Variants in KCNT2 observed in about 807,000 individuals in gnomAD.
KCNT2 encodes potassium channel subfamily T member 2.
KCNT2 carries 67 observed loss-of-function variants against 153.8 expected under a neutral mutation model. The ratio of observed to expected loss-of-function variants is 0.44; its 90% CI spans 0.36 to 0.53. The LOEUF is 0.53. Among genes scored for constraint, KCNT2 ranks in the 20% least tolerant of loss-of-function variants. The probability of loss-of-function intolerance (pLI) is 0.00; values close to 1 mark genes in which losing one functional copy is unlikely to be tolerated. For synonymous variants in KCNT2, 500 were observed against 458.8 expected (o/e 1.09, Z -1.15); for missense variants, 975 against 1,354.8 (o/e 0.72, Z 4.40).
intron 14 of KCNT2, among the ~76,000 whole-genome samples, chr1:196,345,689 T>A (rs1666081221): frequency 6.6e-6 from 1 of 152,126 alleles, no homozygotes. Flanking sequence ...ATTGCAATGA[T>A]CCACCTAGAT....
chr1:196,334,487 C>CTTTTTTTTTTTT (rs533230418), intron 16 of KCNT2, among the ~76,000 whole-genome samples: 5 of 87,248 alleles, frequency 5.7e-5, no homozygotes, highest in Non-Finnish European at 6.6e-5. Context: ...TTCTTTCTTT[C>CTTTTTTTTTTTT]TTTTTTTTTT....
chr1:196,292,920 A>G (rs191432911), intron 22 of KCNT2, among the ~76,000 whole-genome samples: 1 of 152,170 alleles, frequency 6.6e-6, no homozygotes, highest in East Asian at 1.9e-4. Context: ...AAGCTGTTAG[A>G]AGTGATAAAC....
At chr1:196,359,230 G>T (rs928276650) in intron 14 of KCNT2, among the ~76,000 whole-genome samples, 1 of 151,762 alleles carries the variant, frequency 6.6e-6, no homozygotes, top group Non-Finnish European at 1.5e-5. Context: ...GTTTCATCGG[G>T]GACTGGCATT....
At chr1:196,513,084 A>G (rs1308739048) in intron 1 of KCNT2, among the ~76,000 whole-genome samples, 6 of 152,154 alleles carry the variant, frequency 3.9e-5, no homozygotes, top group Admixed American at 3.9e-4. Context: ...AATTAATTCT[A>G]ATTATGGCAT....
In KCNT2 at chr1:196,228,288, G is replaced by C; in HGVS notation, c.3344C>G (p.Pro1115Arg). 6.2e-7 allele frequency: 1 copy of C among 1,611,082 alleles called. No individual in the cohort carries two copies. The highest frequency in any genetic ancestry group is 1.1e-5 in the South Asian group (1 of 90,780). Residue 1115 changes from proline to arginine, a missense_variant, in exon 28 of 28, where the codon CCC becomes CGC. Transcript: ENST00000294725. ...DPLAYLPNSE[P>R]SRRNSICNVT... is the part of the protein sequence containing the mutation. ...ATTGCAGATGCTGTTTCTTCGACTG[G>C]GCTCACTGTTTGGAAGGTAGGCCAG...
intron 13 of KCNT2, among the ~76,000 whole-genome samples, chr1:196,380,707 C>T (rs971228379): frequency 4.6e-5 from 7 of 152,060 alleles, no homozygotes; most frequent in African/African-American, 1.4e-4. Flanking sequence ...TTAAATAGAA[C>T]AACTGATTAA....
intron 14 of KCNT2, among the ~76,000 whole-genome samples, chr1:196,360,066 C>A (rs575632006): frequency 6.6e-6 from 1 of 152,120 alleles, no homozygotes; most frequent in South Asian, 2.1e-4. Context: ...TTCCTGTTGA[C>A]CTTTTAATGA....
intron 1 of KCNT2, among the ~76,000 whole-genome samples, chr1:196,547,235 G>C (rs751018335): frequency 5.9e-4 from 90 of 151,904 alleles, no homozygotes; most frequent in Non-Finnish European, 1.1e-3. Context: ...GGGAGATACT[G>C]TTGCTAAGTA....
At chr1:196,567,650 G>C (rs897920531) in intron 1 of KCNT2, among the ~76,000 whole-genome samples, 2 of 152,192 alleles carry the variant, frequency 1.3e-5, no homozygotes, top group Non-Finnish European at 2.9e-5. Flanking sequence ...ACTTAAGGGA[G>C]TTCTTCTGTG....
chr1:196,367,408 A>T (rs1463575836), intron 14 of KCNT2, among the ~76,000 whole-genome samples: 1 of 152,092 alleles, frequency 6.6e-6, no homozygotes, highest in Non-Finnish European at 1.5e-5. Context: ...CCCTTCTAAG[A>T]TCCTTTGATT....
intron 26 of KCNT2, among the ~76,000 whole-genome samples, chr1:196,253,610 C>T (rs1656186587): frequency 6.6e-6 from 1 of 151,352 alleles, no homozygotes; most frequent in Non-Finnish European, 1.5e-5. Context: ...TTTCCCTTTC[C>T]CTGGGGAACA....
chr1:196,428,459 G>A (rs1673845419), intron 9 of KCNT2, among the ~76,000 whole-genome samples, 190 bp from the exon 10 acceptor site: 1 of 151,944 alleles, frequency 6.6e-6, no homozygotes, highest in Non-Finnish European at 1.5e-5. Flanking sequence ...TGTCTCCCAG[G>A]GGCTTCGGGT....
chr1:196,552,668 C>T (rs1192184494), intron 1 of KCNT2, among the ~76,000 whole-genome samples: 2 of 151,340 alleles, frequency 1.3e-5, no homozygotes, highest in African/African-American at 4.8e-5. Context: ...TTGACTTAGG[C>T]AGAAAGACTA....
intron 12 of KCNT2, among the ~76,000 whole-genome samples, chr1:196,399,127 C>T (rs1262523066): frequency 8.0e-6 from 1 of 124,452 alleles, no homozygotes; most frequent in African/African-American, 2.9e-5. Flanking sequence ...GTGTGTGTAC[C>T]TGTGTGGTAT....
intron 11 of KCNT2, among the ~76,000 whole-genome samples, chr1:196,423,318 C>T (rs1673370874): frequency 6.6e-6 from 1 of 151,736 alleles, no homozygotes; most frequent in South Asian, 2.1e-4. Context: ...ATTGGGTTGT[C>T]TATTATAACT....
Position 196,326,855 on chromosome 1 carries a change from G to T in KCNT2, c.2138C>A (p.Ala713Asp). The part of the protein sequence containing the change: ...CQHNYYEDAK[A>D]YGFKNKLIIV... ...AATTAGTTTATTTTTGAATCCATAG[G>T]CTTTTGCATCCTCATAGTAGTTATG... is the stretch of plus-strand genomic sequence containing the variant. Residue 713 changes from alanine to aspartate, a missense_variant, in exon 19 of 28, where the codon GCC (alanine) becomes GAC (aspartate). Physicochemically the swap from Ala to Asp is moderately radical, Grantham distance 126 (BLOSUM62 -2). Coordinates refer to ENST00000294725, the MANE Select transcript of KCNT2 (RefSeq NM_198503.5). 1 of 1,585,152 alleles carries T rather than the reference G, an allele frequency of 6.3e-7. No individual in the cohort carries two copies.
intron 22 of KCNT2, among the ~76,000 whole-genome samples, chr1:196,296,803 T>C (rs1231242255): frequency 6.6e-6 from 1 of 152,082 alleles, no homozygotes; most frequent in African/African-American, 2.4e-5. Flanking sequence ...TGCCTTGAAA[T>C]GGAAGGCTGA....
chr1:196,500,278 A>AAGGAAGGAAGGGAGGG (rs1393698080), intron 1 of KCNT2, among the ~76,000 whole-genome samples: 1 of 42,622 alleles, frequency 2.3e-5, no homozygotes, highest in African/African-American at 8.3e-5. Context: ...GGAAGGAAGG[A>AAGGAAGGAAGGGAGGG]AGGGAGGGAG....
At chr1:196,594,421 A>G (rs528113404) in intron 1 of KCNT2, among the ~76,000 whole-genome samples, 5 of 152,276 alleles carry the variant, frequency 3.3e-5, no homozygotes, top group Non-Finnish European at 1.5e-5. Context: ...AATAATGTAC[A>G]CATATATATG....
Sources: allele counts gnomAD v4.1 joint callset (sites outside exome capture counted in the v4.1 genomes callset), GRCh38; gene constraint gnomAD v4.1.1; transcripts MANE v1.5; gene names NCBI Gene and HGNC (gene_info 2026-07-23, HGNC 2026-07-21).